Variants in DDHD1 observed in about 807,000 individuals in gnomAD.
The protein encoded by DDHD1 is phospholipase DDHD1.
In DDHD1, 49 loss-of-function variants were observed where a neutral mutation model predicts 96.4. The ratio of observed to expected loss-of-function variants is 0.51; its 90% CI spans 0.40 to 0.64. DDHD1 has a LOEUF of 0.64. Ranked by LOEUF, DDHD1 falls within the 30% of genes least tolerant of loss-of-function variation. The pLI is 0.00. For synonymous variants in DDHD1, 442 were observed against 446.5 expected (o/e 0.99, Z 0.13); for missense variants, 1,106 against 1,161.2 (o/e 0.95, Z 0.69).
chr14:53,098,271 T>C (rs1022631556), intron 2 of DDHD1, among the ~76,000 whole-genome samples: 2 of 152,070 alleles, frequency 1.3e-5, no homozygotes, highest in African/African-American at 2.4e-5. Context: ...AAAATTAATA[T>C]GTTAAAGTCT....
At chr14:53,110,732 TAAG>T (rs1213424300) in intron 1 of DDHD1, among the ~76,000 whole-genome samples, 21 of 152,166 alleles carry the variant, frequency 1.4e-4, no homozygotes, top group Non-Finnish European at 1.9e-4. Context: ...TCCCAGCACT[TAAG>T]GACGCTGAGG....
intron 1 of DDHD1, among the ~76,000 whole-genome samples, chr14:53,125,906 T>C (rs8010589): frequency 0.025 from 3,757 of 152,236 alleles, 78 homozygotes; most frequent in African/African-American, 0.05. Flanking sequence ...TTTCACCATG[T>C]TGACCAGGCT....
Position 53,145,482 on chromosome 14 carries a change from G to A in DDHD1, c.838+6779C>T, listed in dbSNP as rs74348514. Among the ~76,000 whole-genome samples, 542 of 98,646 alleles carry A rather than the reference G, an allele frequency of 5.5e-3. 1 individual carries two copies. The highest frequency in any genetic ancestry group is 0.021 in the African/African-American group (510 of 24,514). 64.7% of individuals were successfully genotyped at this position (98,646 alleles called of 152,430 possible). On this transcript the variant is annotated intron_variant, in intron 1 of 12. Coordinates refer to ENST00000673822, the MANE Select transcript of DDHD1 (RefSeq NM_001160148.2). ...CACTCCACATTATTCTGGCCTAAGC[G>A]ACAGAACAAAACCTTGTCTCAAAAA...
intron 1 of DDHD1, among the ~76,000 whole-genome samples, chr14:53,148,165 G>A (rs1891121608): frequency 6.6e-6 from 1 of 152,162 alleles, no homozygotes; most frequent in African/African-American, 2.4e-5. Flanking sequence ...AGAGGGGAAA[G>A]AAGAAATCTG....
chr14:53,100,992 G>C (rs1050286176), intron 2 of DDHD1, among the ~76,000 whole-genome samples: 24 of 152,200 alleles, frequency 1.6e-4, no homozygotes, highest in Non-Finnish European at 1.9e-4. Context: ...AACTCCTTGA[G>C]GGTAGAAACC....
At chr14:53,047,323 G>A (rs545369581) in intron 12 of DDHD1, among the ~76,000 whole-genome samples, 3 of 152,108 alleles carry the variant, frequency 2.0e-5, no homozygotes, top group Non-Finnish European at 4.4e-5. Flanking sequence ...GAAGATTTAC[G>A]GGCCAGGCTT....
At chr14:53,059,535 G>T (rs920649682) in intron 8 of DDHD1, among the ~76,000 whole-genome samples, 1 of 150,064 alleles carries the variant, frequency 6.7e-6, no homozygotes, top group Admixed American at 6.6e-5. Flanking sequence ...GTGAGCCACC[G>T]TGCCCAGCCA....
In DDHD1 at chr14:53,046,867, A is replaced by G. The variant is rs1339243582; in HGVS notation, c.2604T>C (p.Thr868=). 3.1e-6 allele frequency: 5 copies of G among 1,613,816 alleles called. No individual in the cohort carries two copies. Among genetic ancestry groups the G allele is most frequent in the Non-Finnish European group, 3.4e-6 (4 of 1,179,880 alleles). The change falls in exon 13 of 13, where the codon ACT becomes ACC. Residue 868 remains threonine, a synonymous_variant. Coordinates refer to ENST00000673822, the MANE Select transcript of DDHD1 (RefSeq NM_001160148.2). ...SRYWSAVTSH[T]AYWSSLDVAL... ...CAACATCCAAGGATGACCAATAGGC[A>G]GTATGCGACGTGACAGCTGACCAAT...
chr14:53,098,078 A>AG (rs1887021406), intron 2 of DDHD1, among the ~76,000 whole-genome samples: 2 of 152,010 alleles, frequency 1.3e-5, no homozygotes, highest in Non-Finnish European at 2.9e-5. Context: ...GAGGAAAAAA[A>AG]GAGTTTACTA....
intron 11 of DDHD1, 87 bp downstream of exon 11, chr14:53,054,351 G>A (rs1012507041): frequency 8.5e-7 from 1 of 1,173,418 alleles, no homozygotes; most frequent in African/African-American, 1.5e-5. Flanking sequence ...GAGTTGACTA[G>A]CTAGTATTAA....
At chr14:53,049,312 C>T (rs1882325050) in intron 12 of DDHD1, among the ~76,000 whole-genome samples, 1 of 152,170 alleles carries the variant, frequency 6.6e-6, no homozygotes, top group Non-Finnish European at 1.5e-5. Flanking sequence ...CTTGATGAAC[C>T]TGTTTCAGTT....
intron 9 of DDHD1, 50 bp from the exon 10 acceptor site, chr14:53,055,962 C>A: frequency 6.6e-7 from 1 of 1,516,160 alleles, no homozygotes; most frequent in Non-Finnish European, 9.0e-7. Context: ...AATCACAATG[C>A]TTGGATTTTA....
intron 6 of DDHD1, among the ~76,000 whole-genome samples, chr14:53,064,154 A>T (rs553298306): frequency 6.6e-6 from 1 of 152,220 alleles, no homozygotes; most frequent in South Asian, 2.1e-4. Context: ...AAGGAGCTAT[A>T]ATATGCTTTG....
chr14:53,138,327 C>T (rs888233291), intron 1 of DDHD1, among the ~76,000 whole-genome samples: 2 of 152,142 alleles, frequency 1.3e-5, no homozygotes. Context: ...ATTGCTTGAG[C>T]CCTGGAGATG....
At position 53,152,361 on chromosome 14, in the gene DDHD1, C is replaced by T. The variant is rs775123386; in HGVS notation, c.738G>A (p.Pro246=). The change falls in exon 1 of 13, where the codon CCG becomes CCA. Residue 246 remains proline, a synonymous_variant. Coordinates refer to ENST00000673822, the MANE Select transcript of DDHD1 (RefSeq NM_001160148.2). ...CGATGTTCACAAGCTCCACCATCTC[C>T]GGCTCGTGCCCCGTCGTACTCTGGC... The part of the protein sequence containing the change: ...GFCQSTTGHE[P]EMVELVNIEP... 1.9e-6 allele frequency: 3 copies of T among 1,613,874 alleles called. No individual in the cohort carries two copies. Among genetic ancestry groups the T allele is most frequent in the Non-Finnish European group, 2.5e-6 (3 of 1,179,988 alleles).
chr14:53,119,317 T>C (rs1489428779), intron 1 of DDHD1, among the ~76,000 whole-genome samples: 2 of 152,162 alleles, frequency 1.3e-5, no homozygotes, highest in African/African-American at 4.8e-5. Flanking sequence ...GTAACAATAT[T>C]AACCTTAAAT....
At chr14:53,048,338 G>GC (rs373021971) in intron 12 of DDHD1, among the ~76,000 whole-genome samples, 1 of 130,482 alleles carries the variant, frequency 7.7e-6, no homozygotes, top group Non-Finnish European at 1.7e-5. Flanking sequence ...TTTTTGGGCT[G>GC]TTTTTTTTTT....
chr14:53,113,828 C>T (rs1888330994), intron 1 of DDHD1, among the ~76,000 whole-genome samples: 1 of 152,176 alleles, frequency 6.6e-6, no homozygotes, highest in Admixed American at 6.5e-5. Context: ...GAGCTAGCTG[C>T]AGGAGTTTTT....
Position 53,054,481 on chromosome 14 carries a change from T to C in DDHD1, c.2394A>G (p.Thr798=), listed in dbSNP as rs1310926853. 1.2e-6 allele frequency: 2 copies of C among 1,614,016 alleles called. No individual in the cohort carries two copies. The highest frequency in any genetic ancestry group is 2.2e-5 in the East Asian group (1 of 44,898). The change falls in exon 11 of 13, where the codon ACA becomes ACG. Residue 798 remains threonine, a synonymous_variant. Coordinates refer to ENST00000673822, the MANE Select transcript of DDHD1 (RefSeq NM_001160148.2). ...CAGAACTGCTATGTGGAAGGGTCTG[T>C]GTCCCTACGGTGGTAGCAGAAGGTG... is the stretch of plus-strand genomic sequence containing the variant. ...VASPSATTVG[T]QTLPHSSSGF... is the part of the protein sequence containing the mutation.
Sources: gnomAD v4.1 joint callset for allele counts (sites outside exome capture counted in the v4.1 genomes callset) on GRCh38, gnomAD v4.1.1 for gene constraint, MANE v1.5 for transcripts, NCBI Gene and HGNC (gene_info 2026-07-23, HGNC 2026-07-21) for gene names.